PPP1R12C: variants seen among roughly 807,000 people sequenced by gnomAD.
The protein encoded by PPP1R12C is protein phosphatase 1 regulatory subunit 12C, also known as leukocyte receptor cluster (LRC) encoded novel gene 3.
In PPP1R12C, 48 loss-of-function variants were observed where a neutral mutation model predicts 95.6. That is an observed-to-expected ratio of 0.50 (90% CI 0.40 to 0.64). The LOEUF (loss-of-function observed/expected upper bound fraction) is 0.64, where lower values mean the gene tolerates loss of function less well. Ranked by LOEUF, PPP1R12C falls within the 30% of genes least tolerant of loss-of-function variation. The pLI is 0.00. For synonymous variants in PPP1R12C, 480 were observed against 460.8 expected (o/e 1.04, Z -0.53); for missense variants, 1,057 against 1,083.3 (o/e 0.98, Z 0.34).
intron 4 of PPP1R12C, 38 bp from the exon 5 acceptor site, chr19:55,099,133 G>A (rs1018624359): frequency 8.1e-6 from 12 of 1,473,244 alleles, no homozygotes; most frequent in Admixed American, 2.7e-5. Context: ...AGGCCAAGGC[G>A]GGGCCCTTGG....
At position 55,098,686 on chromosome 19, in the gene PPP1R12C, G is replaced by T. The variant is rs1395344131; in HGVS notation, c.951+98C>A. On this transcript the variant is annotated intron_variant, in intron 6 of 21. Transcript: ENST00000263433. ...GAAATAGCAGGTCGCTGGGGTGGTG[G>T]GTGTCAGAAGTCGGGGGGGTTCCCC... 13 of 1,432,654 alleles carry T rather than the reference G, an allele frequency of 9.1e-6. No homozygotes were observed. In the East Asian group the frequency reaches 2.7e-4, roughly 30 times the overall value. The allele number at this position is 1,432,654 out of a possible 1,614,324, so 88.7% of individuals were successfully genotyped here. A position where few individuals can be genotyped will look rare whatever the true frequency, so the allele number is the denominator to read the frequency against.
In PPP1R12C at chr19:55,109,024, T is replaced by C. The variant is rs2085068074; in HGVS notation, c.571+3443A>G. On this transcript the variant is annotated intron_variant, in intron 3 of 21. Coordinates refer to ENST00000263433, the MANE Select transcript of PPP1R12C (RefSeq NM_017607.4). The surrounding 1 kb of genome is among the most constrained non-coding windows in gnomAD (Gnocchi z 4.4). Reference sequence around the variant, plus strand: ...CCGCATGGATGGGCCACATGTTGATTTTCCATTCATTCGATGATGGGCACT... The same window carrying C: ...CCGCATGGATGGGCCACATGTTGATCTTCCATTCATTCGATGATGGGCACT... Among the ~76,000 whole-genome samples the C allele has an allele frequency of 6.6e-6, 1 of 152,172 alleles. No individual in the cohort carries two copies. Among genetic ancestry groups the C allele is most frequent in the South Asian group, 2.1e-4 (1 of 4,828 alleles).
At position 55,092,511 on chromosome 19, in the gene PPP1R12C, C is replaced by T; in HGVS notation, c.1986G>A (p.Gln662=). ...CTGGGTTGAGGTCCCGCTGCCACCG[C>T]TGCCTGCGGGCCGAGGGGCCGCCCT... The part of the protein sequence containing the change: ...TLEGGPSARR[Q]RWQRDLNPEP... Residue 662 remains glutamine (Q), a synonymous_variant, in exon 18 of 22, where the codon CAG becomes CAA. Coordinates refer to ENST00000263433, the MANE Select transcript of PPP1R12C (RefSeq NM_017607.4). The T allele has an allele frequency of 6.2e-7, 1 of 1,609,126 alleles. No homozygotes were observed. The highest frequency in any genetic ancestry group is 8.5e-7 in the Non-Finnish European group (1 of 1,178,226).
rs186772450 is a variant in PPP1R12C, at chr19:55,096,532, C to T, written c.952-197G>A. Among the ~76,000 whole-genome samples, 48 of 152,194 alleles carry T rather than the reference C, an allele frequency of 3.2e-4. No individual in the cohort carries two copies. The East Asian group carries it at 8.1e-3, about 26-fold the overall frequency. On this transcript the variant is annotated intron_variant, in intron 6 of 21. Coordinates refer to ENST00000263433, the MANE Select transcript of PPP1R12C (RefSeq NM_017607.4). ...GTCCAGCAGGCGCCCGCAGCTGCCA[C>T]GTGCAGGCACTGCCGTCTTGTCCTC...
chr19:55,091,807 G>A, intron 20 of PPP1R12C, 52 bp downstream of exon 20: 1 of 1,612,324 alleles, frequency 6.2e-7, no homozygotes, highest in South Asian at 1.1e-5. Flanking sequence ...CCAAACTTAG[G>A]GATGTGAGGC....
intron 20 of PPP1R12C, 28 bp from the exon 21 acceptor site, chr19:55,091,728 C>G: frequency 1.2e-6 from 2 of 1,613,368 alleles, no homozygotes; most frequent in South Asian, 2.2e-5. Flanking sequence ...AGTGCAGAAA[C>G]TGAGTGAGGC....
rs2085077945 is a variant in PPP1R12C, at chr19:55,109,978, A to T, written c.571+2489T>A. On this transcript the variant is annotated intron_variant, in intron 3 of 21. Transcript: ENST00000263433. The surrounding 1 kb of genome is among the most constrained non-coding windows in gnomAD (Gnocchi z 4.4). ...TCGTTCCTGGCTGATCCTACAAGCCAATATCCCCCACCAATGTATCCCTCC... is the reference window on the plus strand; with the variant it reads ...TCGTTCCTGGCTGATCCTACAAGCCTATATCCCCCACCAATGTATCCCTCC... Among the ~76,000 whole-genome samples, 1 of 152,108 alleles carries T rather than the reference A, an allele frequency of 6.6e-6. No homozygotes were observed. Among genetic ancestry groups the T allele is most frequent in the African/African-American group, 2.4e-5 (1 of 41,426 alleles).
At chr19:55,108,277 TC>T (rs774259390) in intron 3 of PPP1R12C, among the ~76,000 whole-genome samples, 1 of 152,014 alleles carries the variant, frequency 6.6e-6, no homozygotes, top group Non-Finnish European at 1.5e-5. Context: ...CATTAAGTAG[TC>T]ACAATTGGTT....
chr19:55,111,166 T>C (rs1351331055), intron 3 of PPP1R12C, among the ~76,000 whole-genome samples: 2 of 131,840 alleles, frequency 1.5e-5, no homozygotes, highest in African/African-American at 2.7e-5. Flanking sequence ...GGGTGCATGG[T>C]TGGGGGTGAT....
chr19:55,108,132 C>T (rs1335425492), intron 3 of PPP1R12C, among the ~76,000 whole-genome samples: 1 of 151,826 alleles, frequency 6.6e-6, no homozygotes, highest in African/African-American at 2.4e-5. Context: ...GACGGGGTTT[C>T]ACCATGTTGG....
chr19:55,098,706 T>C, intron 6 of PPP1R12C, 78 bp downstream of exon 6: 3 of 1,545,462 alleles, frequency 1.9e-6, no homozygotes, highest in Admixed American at 1.7e-5. Flanking sequence ...GTCGGGGGGG[T>C]TCCCCCTCTG....
chr19:55,096,007 C>A, intron 8 of PPP1R12C, 44 bp downstream of exon 8: 1 of 1,607,576 alleles, frequency 6.2e-7, no homozygotes, highest in Non-Finnish European at 8.5e-7. Context: ...GAGAACCCGA[C>A]CCCTCCTCCC....
In PPP1R12C at chr19:55,095,880, G is replaced by A. The variant is rs1043745092; in HGVS notation, c.1214C>T (p.Pro405Leu). Residue 405 changes from proline to leucine, a missense_variant, in exon 9 of 22, where the codon CCT (proline) becomes CTT (leucine). Transcript: ENST00000263433. ...GCATCCACTCACCACGGGACTCTTA[G>A]GGCTGGGGTGCGGCGGGGAGGAGAC... ...NGVSSPPHPS[P>L]KSPVQLEEAP... The A allele has an allele frequency of 6.2e-7, 1 of 1,613,774 alleles. No homozygotes were observed. Among genetic ancestry groups the A allele is most frequent in the Non-Finnish European group, 8.5e-7 (1 of 1,179,976 alleles).
At chr19:55,115,235 C>A (rs1445458863) in intron 1 of PPP1R12C, 2 of 152,226 alleles carry the variant, frequency 1.3e-5, no homozygotes, top group Non-Finnish European at 2.9e-5. Flanking sequence ...CACACGGACA[C>A]CCCCCTCCTC....
intron 6 of PPP1R12C, among the ~76,000 whole-genome samples, chr19:55,098,281 AG>A (rs993105709): frequency 1.9e-4 from 29 of 152,356 alleles, no homozygotes; most frequent in African/African-American, 6.3e-4. Context: ...AGGCCCGGAA[AG>A]GAAAGTGGCT....
In PPP1R12C at chr19:55,091,885, G is replaced by T. The variant is rs748366996; in HGVS notation, c.2185C>A (p.Pro729Thr). 1 of 1,613,354 alleles carries T rather than the reference G, an allele frequency of 6.2e-7. No homozygotes were observed. Among genetic ancestry groups the T allele is most frequent in the Admixed American group, 1.7e-5 (1 of 60,032 alleles). The change falls in exon 20 of 22, where the codon CCA becomes ACA. Residue 729 changes from proline (P) to threonine (T), a missense_variant. Coordinates refer to ENST00000263433, the MANE Select transcript of PPP1R12C (RefSeq NM_017607.4). ...AATCTCTCCAGTTCCAGGAGGGCTG[G>T]CCTCTCAGCGAAGCGTTCTTGCCTC... ...TQRQERFAER[P>T]ALLELERFER...
chr19:55,098,336 C>T (rs1005139972), intron 6 of PPP1R12C, among the ~76,000 whole-genome samples: 1 of 152,242 alleles, frequency 6.6e-6, no homozygotes, highest in African/African-American at 2.4e-5. Context: ...GGGATTCCAA[C>T]CCAGGCAGTC....
chr19:55,113,586 C>A lies in PPP1R12C; in HGVS notation c.322-791G>T, dbSNP rs1172480328. The A allele has an allele frequency of 3.9e-6, 5 of 1,298,560 alleles. No homozygotes were observed. In the African/African-American group the frequency reaches 7.7e-5, roughly 20 times the overall value. The allele number at this position is 1,298,560 out of a possible 1,614,324, so 80.4% of individuals were successfully genotyped here. ...CCAGGCCTTGTGGACACTGGGTGGG[C>A]TCCGGGACCTGAACTGGAGCTGAGG... is the stretch of plus-strand genomic sequence containing the variant. On this transcript the variant is annotated intron_variant, in intron 1 of 21. Transcript: ENST00000263433.
At position 55,099,056 on chromosome 19, in the gene PPP1R12C, G is replaced by A. The variant is rs548893809; in HGVS notation, c.771C>T (p.Asp257=). The change falls in exon 5 of 22, where the codon GAC becomes GAT. Residue 257 remains aspartate (D), a synonymous_variant. Coordinates refer to ENST00000263433, the MANE Select transcript of PPP1R12C (RefSeq NM_017607.4). ...CGTGCAGGGGAGTCCAGCCGTCCCC[G>A]TCCCGGAGCTCTGGGTCGTAGCCAG... is the stretch of plus-strand genomic sequence containing the variant. The part of the protein sequence containing the change: ...LQAGYDPELR[D]GDGWTPLHAA... 29 of 1,552,872 alleles carry A rather than the reference G, an allele frequency of 1.9e-5. No individual in the cohort carries two copies. The highest frequency in any genetic ancestry group is 1.7e-4 in the Middle Eastern group (1 of 5,756).
Sources: allele counts gnomAD v4.1 joint callset (sites outside exome capture counted in the v4.1 genomes callset), GRCh38; gene constraint gnomAD v4.1.1; non-coding constraint Gnocchi (gnomAD v3.1); transcripts MANE v1.5; gene names NCBI Gene and HGNC (gene_info 2026-07-23, HGNC 2026-07-21).